Variants in CAMK4 observed in about 807,000 individuals in gnomAD.
CAMK4 encodes the protein calcium/calmodulin dependent protein kinase IV.
A neutral mutation model predicts 44.9 loss-of-function variants in CAMK4; 22 were observed. The observed-to-expected ratio is 0.49, with a 90% CI of 0.35 to 0.70. The LOEUF (loss-of-function observed/expected upper bound fraction) is 0.70, where lower values mean the gene tolerates loss of function less well. Ranked by LOEUF, CAMK4 falls within the 30% of genes least tolerant of loss-of-function variation. The pLI is 0.01. For missense variants in CAMK4, 498 were observed against 586.8 expected (o/e 0.85, Z 1.56); for synonymous variants, 218 against 215.4 (o/e 1.01, Z -0.11).
At chr5:111,237,244 A>T (rs1034538619) in intron 1 of CAMK4, among the ~76,000 whole-genome samples, 5 of 152,196 alleles carry the variant, frequency 3.3e-5, no homozygotes, top group African/African-American at 1.2e-4. Flanking sequence ...TTTGTCAGTC[A>T]TCTCTATCTT....
intron 4 of CAMK4, among the ~76,000 whole-genome samples, chr5:111,393,651 T>G (rs1751890721): frequency 6.6e-6 from 1 of 152,098 alleles, no homozygotes; most frequent in Non-Finnish European, 1.5e-5. Context: ...ATACCACATG[T>G]TCTCACTAAG....
intron 4 of CAMK4, among the ~76,000 whole-genome samples, chr5:111,389,708 G>T (rs1277082708): frequency 6.6e-6 from 1 of 152,154 alleles, no homozygotes; most frequent in Non-Finnish European, 1.5e-5. Flanking sequence ...GAAGGTAATT[G>T]ATTTTATTCC....
At chr5:111,381,581 AG>A (rs542922776) in intron 4 of CAMK4, among the ~76,000 whole-genome samples, 167 of 152,244 alleles carry the variant, frequency 1.1e-3, no homozygotes, top group African/African-American at 3.8e-3. Context: ...CAGCTGATTG[AG>A]GGTGGGTCTG....
At chr5:111,260,085 CAAAAT>C (rs1289334348) in intron 1 of CAMK4, among the ~76,000 whole-genome samples, 4 of 152,054 alleles carry the variant, frequency 2.6e-5, no homozygotes, top group African/African-American at 9.7e-5. Flanking sequence ...TTTTGAAAGA[CAAAAT>C]AAATGTTTCT....
chr5:111,479,107 G>C (rs1580808247), intron 9 of CAMK4, among the ~76,000 whole-genome samples: 1 of 152,208 alleles, frequency 6.6e-6, no homozygotes, highest in South Asian at 2.1e-4. Flanking sequence ...TCAAACTCCT[G>C]CCCTCAGGCG....
At chr5:111,417,227 A>AT (rs70973606) in intron 5 of CAMK4, among the ~76,000 whole-genome samples, 58,727 of 143,550 alleles carry the variant, frequency 0.41, 12,301 homozygotes, top group Middle Eastern at 0.53. Flanking sequence ...CACCCAGCTA[A>AT]TTTTTTTTTT....
intron 5 of CAMK4, among the ~76,000 whole-genome samples, chr5:111,402,774 T>C (rs544567633): frequency 1.3e-5 from 2 of 152,282 alleles, no homozygotes; most frequent in East Asian, 3.9e-4. Flanking sequence ...CCATTTCTCC[T>C]TTTCACTGGC....
At chr5:111,363,625 T>A (rs1236134449) in intron 2 of CAMK4, among the ~76,000 whole-genome samples, 1 of 152,086 alleles carries the variant, frequency 6.6e-6, no homozygotes, top group Non-Finnish European at 1.5e-5. Flanking sequence ...TGTTAGTGTG[T>A]AACTACTTTT....
intron 5 of CAMK4, among the ~76,000 whole-genome samples, chr5:111,409,992 G>A (rs1471145882): frequency 1.3e-5 from 2 of 152,082 alleles, no homozygotes; most frequent in Non-Finnish European, 2.9e-5. Context: ...CAAGTCCCTA[G>A]GAAGTTCCAA....
chr5:111,406,194 TTCTCTCTCTC>T (rs10524853), intron 5 of CAMK4, among the ~76,000 whole-genome samples: 1,627 of 136,850 alleles, frequency 0.012, 29 homozygotes, highest in African/African-American at 0.043. Context: ...CTAATTTATT[TTCTCTCTCTC>T]TCTCTCTCTC....
At chr5:111,475,410 A>G (rs1755201766) in intron 8 of CAMK4, among the ~76,000 whole-genome samples, 1 of 152,184 alleles carries the variant, frequency 6.6e-6, no homozygotes, top group Non-Finnish European at 1.5e-5. Flanking sequence ...ACCCAGAAAA[A>G]TTGGAATGTG....
chr5:111,257,831 A>T (rs1749806391), intron 1 of CAMK4, among the ~76,000 whole-genome samples: 1 of 152,170 alleles, frequency 6.6e-6, no homozygotes, highest in African/African-American at 2.4e-5. Context: ...AAGGAACAAG[A>T]TCATGTCCTT....
rs184925206 is a variant in CAMK4 at position 111,431,823 on chromosome 5, C to T, written c.460-14863C>T. 1.7e-3 allele frequency among the ~76,000 whole-genome samples: 265 copies of T among 152,140 alleles called. 1 individual carries two copies. Among genetic ancestry groups the T allele is most frequent in the Non-Finnish European group, 2.6e-3 (175 of 67,962 alleles). ...AAACTACAATGAGATATCATCTCAC[C>T]CAGTTAAAGTGGCTTATACCCAGAA... On this transcript the variant is annotated intron_variant, in intron 5 of 10. Transcript: ENST00000282356.
At chr5:111,343,697 G>A (rs1049659015) in intron 1 of CAMK4, among the ~76,000 whole-genome samples, 2 of 151,660 alleles carry the variant, frequency 1.3e-5, no homozygotes, top group African/African-American at 4.8e-5. Flanking sequence ...CTGAAATTGG[G>A]TGGGTTTCCT....
chr5:111,448,680 C>T (rs1239092783), intron 6 of CAMK4, among the ~76,000 whole-genome samples: 1 of 152,074 alleles, frequency 6.6e-6, no homozygotes, highest in Non-Finnish European at 1.5e-5. Flanking sequence ...GTGGCACGTG[C>T]CTGTAATCCC....
At chr5:111,478,310 T>C in intron 8 of CAMK4, 71 bp from the exon 9 acceptor site, 1 of 1,009,876 alleles carries the variant, frequency 9.9e-7, no homozygotes, top group Non-Finnish European at 1.4e-6. Flanking sequence ...AGTCCTGAAT[T>C]CCTACAGAAA....
At chr5:111,272,732 G>C (rs553069815) in intron 1 of CAMK4, among the ~76,000 whole-genome samples, 3 of 152,124 alleles carry the variant, frequency 2.0e-5, no homozygotes, top group Non-Finnish European at 4.4e-5. Flanking sequence ...TCTGAGAATA[G>C]ACGCTTTGAT....
chr5:111,419,759 T>A (rs950502250), intron 5 of CAMK4, among the ~76,000 whole-genome samples: 3 of 152,300 alleles, frequency 2.0e-5, no homozygotes, highest in South Asian at 2.1e-4. Context: ...GTTGTAGATA[T>A]GCGGCATTAT....
intron 2 of CAMK4, among the ~76,000 whole-genome samples, chr5:111,352,837 T>C (rs1057096995): frequency 2.0e-5 from 3 of 152,118 alleles, no homozygotes; most frequent in South Asian, 2.1e-4. Context: ...CACCACAGCA[T>C]TGAGGATCAA....
Sources: allele counts gnomAD v4.1 joint callset (sites outside exome capture counted in the v4.1 genomes callset), GRCh38; gene constraint gnomAD v4.1.1; transcripts MANE v1.5; gene names NCBI Gene and HGNC (gene_info 2026-07-23, HGNC 2026-07-21).